The following GLT8D2 variants were observed in gnomAD, a reference collection of about 807,000 sequenced individuals.
The protein encoded by GLT8D2 is glycosyltransferase 8 domain containing 2.
In GLT8D2, 45 loss-of-function variants were observed where a neutral mutation model predicts 44.5. The observed-to-expected ratio is 1.01, with a 90% CI of 0.80 to 1.30. GLT8D2 has a LOEUF of 1.30. Ranked by LOEUF, GLT8D2 falls within the 50% of genes most tolerant of loss-of-function variation. The probability of loss-of-function intolerance (pLI) is 0.00; values close to 1 mark genes in which losing one functional copy is unlikely to be tolerated. For synonymous variants in GLT8D2, 156 were observed against 157.2 expected (o/e 0.99, Z 0.06); for missense variants, 400 against 430.4 (o/e 0.93, Z 0.62).
At chr12:104,019,525 A>G in intron 3 of GLT8D2, 105 bp downstream of exon 3, 1 of 911,962 alleles carries the variant, frequency 1.1e-6, no homozygotes, top group Non-Finnish European at 1.7e-6. Context: ...CTATCCATGA[A>G]AATCAAACAC....
chr12:104,059,144 C>G (rs535066470), intron 1 of GLT8D2, among the ~76,000 whole-genome samples: 1 of 152,274 alleles, frequency 6.6e-6, no homozygotes, highest in African/African-American at 2.4e-5. Flanking sequence ...TAAGTGAAAC[C>G]ATGGCTAAAG....
chr12:104,012,619 A>C (rs1321759516), intron 4 of GLT8D2: 2 of 468,066 alleles, frequency 4.3e-6, no homozygotes, highest in African/African-American at 2.0e-5. Flanking sequence ...ATTTGTCTTT[A>C]TGTGACTTCC....
chr12:104,030,252 G>A lies in GLT8D2; in HGVS notation c.-163-8761C>T, dbSNP rs1879085922. Among the ~76,000 whole-genome samples the A allele has an allele frequency of 2.0e-5, 3 of 152,100 alleles. No individual in the cohort carries two copies. In the South Asian group the frequency reaches 6.2e-4, roughly 32 times the overall value. Reference sequence around the variant, plus strand: ...TAAGGCACAAAGAATACACAATGGGGAAAGGATAGTCTCTTTAGTAAGTGG... The same window carrying A: ...TAAGGCACAAAGAATACACAATGGGAAAAGGATAGTCTCTTTAGTAAGTGG... On this transcript the variant is annotated intron_variant, in intron 1 of 10. Transcript: ENST00000360814.
At chr12:104,060,276 A>G (rs969636897) in intron 1 of GLT8D2, among the ~76,000 whole-genome samples, 6 of 152,114 alleles carry the variant, frequency 3.9e-5, no homozygotes, top group Non-Finnish European at 5.9e-5. Context: ...TGGCTTCTTC[A>G]GGGTGCTATT....
intron 5 of GLT8D2, among the ~76,000 whole-genome samples, chr12:104,002,731 C>T (rs1336360100): frequency 6.6e-6 from 1 of 151,990 alleles, no homozygotes; most frequent in Non-Finnish European, 1.5e-5. Context: ...ATTGCTTGAA[C>T]CCAGGATTTC....
intron 1 of GLT8D2, among the ~76,000 whole-genome samples, chr12:104,045,958 TAAG>T (rs1433871929): frequency 1.2e-4 from 16 of 132,768 alleles, no homozygotes; most frequent in Admixed American, 7.3e-4. Flanking sequence ...AGAAAGAAAA[TAAG>T]AAAGAAAGAA....
At chr12:104,028,347 T>C (rs1405247334) in intron 1 of GLT8D2, among the ~76,000 whole-genome samples, 1 of 152,086 alleles carries the variant, frequency 6.6e-6, no homozygotes, top group Non-Finnish European at 1.5e-5. Context: ...CTGAATTTCA[T>C]CCTATCCTTC....
Position 104,003,314 on chromosome 12 carries a change from CAT to C in GLT8D2, c.113-10_113-9del. On this transcript the variant is annotated splice_polypyrimidine_tract_variant and intron_variant, in intron 4 of 10. Coordinates refer to ENST00000360814, the MANE Select transcript of GLT8D2 (RefSeq NM_001384711.1). ...GAGTCTCGGATTCATCATCTGGAAA[CAT>C]AAAAACTGGTGTCTTGGAACATGAA... 2 of 1,613,490 alleles carry C rather than the reference CAT, an allele frequency of 1.2e-6. No homozygotes were observed. Among genetic ancestry groups the C allele is most frequent in the African/African-American group, 2.7e-5 (2 of 75,000 alleles).
chr12:104,063,268 T>C (rs886524889), intron 1 of GLT8D2, among the ~76,000 whole-genome samples: 1 of 152,218 alleles, frequency 6.6e-6, no homozygotes, highest in Non-Finnish European at 1.5e-5. Flanking sequence ...TGTGTCTCTG[T>C]GGCAAGAGTG....
intron 3 of GLT8D2, among the ~76,000 whole-genome samples, chr12:104,019,252 C>T (rs1314358452): frequency 6.6e-6 from 1 of 151,820 alleles, no homozygotes; most frequent in Non-Finnish European, 1.5e-5. Context: ...CTCAGCCTCC[C>T]GAGTAGCTGA....
intron 1 of GLT8D2, among the ~76,000 whole-genome samples, chr12:104,045,245 G>A (rs1880957587): frequency 6.6e-6 from 1 of 152,188 alleles, no homozygotes; most frequent in Non-Finnish European, 1.5e-5. Flanking sequence ...AAAAGCAGAG[G>A]GCTCTGGTCA....
rs776769159 is a variant in GLT8D2, at chr12:103,997,404, TATC to T, written c.487+44_487+46del. ...AATGAAGAGAGACAGTTATTCTACT[TATC>T]AGCTGCTTCTTTTCCAAGTGTTCTT... On this transcript the variant is annotated intron_variant, in intron 7 of 10. Coordinates refer to ENST00000360814, the MANE Select transcript of GLT8D2 (RefSeq NM_001384711.1). 9.2e-6 allele frequency: 12 copies of T among 1,303,012 alleles called. No individual in the cohort carries two copies. The East Asian group carries it at 2.1e-4, about 22-fold the overall frequency. 80.7% of individuals were successfully genotyped at this position (1,303,012 alleles called of 1,614,324 possible).
At chr12:104,025,067 C>CA (rs34885430) in intron 1 of GLT8D2, among the ~76,000 whole-genome samples, 5,063 of 66,600 alleles carry the variant, frequency 0.076, 490 homozygotes, top group African/African-American at 0.19. Flanking sequence ...GAGACTTTGT[C>CA]AAAAAAAAAA....
intron 1 of GLT8D2, among the ~76,000 whole-genome samples, chr12:104,021,964 AGGAAGAG>A (rs1877858357): frequency 5.3e-5 from 1 of 18,762 alleles, no homozygotes; most frequent in Non-Finnish European, 1.5e-4. Flanking sequence ...GAGGAAGAAG[AGGAAGAG>A]GAAGAGGAAG....
intron 1 of GLT8D2, among the ~76,000 whole-genome samples, chr12:104,044,805 G>A (rs1442651369): frequency 3.3e-5 from 5 of 152,154 alleles, no homozygotes; most frequent in Non-Finnish European, 7.4e-5. Context: ...TTTTTTGTTT[G>A]ATTTCCTTTT....
intron 1 of GLT8D2, among the ~76,000 whole-genome samples, chr12:104,047,533 C>T (rs746590242): frequency 1.3e-5 from 2 of 151,838 alleles, no homozygotes; most frequent in African/African-American, 4.8e-5. Context: ...CTCAAACTCC[C>T]GACCTCAAGT....
In GLT8D2 at chr12:104,003,180, A is replaced by G; in HGVS notation, c.239T>C (p.Ile80Thr). The change falls in exon 5 of 11, where the codon ATC becomes ACC. Residue 80 changes from isoleucine (I) to threonine (T), a missense_variant. Ile to Thr is a moderately conservative substitution (Grantham distance 89). Coordinates refer to ENST00000360814, the MANE Select transcript of GLT8D2 (RefSeq NM_001384711.1). The part of the protein sequence containing the change: ...NSIYSNTDAN[I>T]LFYVVGLRNT... ...CCGGAGTCCCACTACATAGAACAAG[A>G]TGTTGGCGTCAGTGTTGCTGTAGAT... The G allele has an allele frequency of 6.2e-7, 1 of 1,614,100 alleles. No individual in the cohort carries two copies. The highest frequency in any genetic ancestry group is 8.5e-7 in the Non-Finnish European group (1 of 1,179,978).
chr12:104,051,324 G>A (rs1370202076), upstream of GLT8D2, among the ~76,000 whole-genome samples: 1 of 151,956 alleles, frequency 6.6e-6, no homozygotes, highest in Admixed American at 6.6e-5. Context: ...TAAGAAAAAA[G>A]TACAAAGAGG....
intron 1 of GLT8D2, among the ~76,000 whole-genome samples, chr12:104,022,836 A>G (rs1878090111): frequency 6.6e-6 from 1 of 152,194 alleles, no homozygotes; most frequent in African/African-American, 2.4e-5. Flanking sequence ...AGCAAGAACT[A>G]TAACTGTCAC....
Sources: allele counts gnomAD v4.1 joint callset (sites outside exome capture counted in the v4.1 genomes callset), GRCh38; gene constraint gnomAD v4.1.1; transcripts MANE v1.5; gene names NCBI Gene and HGNC (gene_info 2026-07-23, HGNC 2026-07-21).